The following CRYBG1 variants were observed in gnomAD, a reference collection of about 807,000 sequenced individuals.
CRYBG1 encodes crystallin beta-gamma domain containing 1, also known as beta/gamma crystallin domain-containing protein 1.
Under a neutral mutation model 189.2 loss-of-function variants are expected in CRYBG1, and 139 were observed. That is an observed-to-expected ratio of 0.73 (90% CI 0.64 to 0.85). The LOEUF is 0.85. CRYBG1 is among the 40% of genes least tolerant of loss of function. The probability of loss-of-function intolerance (pLI) is 0.00; values close to 1 mark genes in which losing one functional copy is unlikely to be tolerated. For missense variants in CRYBG1, 2,611 were observed against 2,675.8 expected, an observed-to-expected ratio of 0.98 and a Z score of 0.53; for synonymous variants, 1,023 against 1,017.1, an observed-to-expected ratio of 1.01 and a Z score of -0.11.
intron 1 of CRYBG1, among the ~76,000 whole-genome samples, chr6:106,365,302 C>T (rs2114288784): frequency 6.6e-6 from 1 of 152,082 alleles, no homozygotes; most frequent in Non-Finnish European, 1.5e-5. Flanking sequence ...TGGCGGACGC[C>T]TGTAATCATA....
chr6:106,520,679 T>C lies in CRYBG1; in HGVS notation c.3471T>C (p.Phe1157=), dbSNP rs1337735693. The change falls in exon 4 of 22, where the codon TTT becomes TTC. Residue 1157 remains phenylalanine (F), a synonymous_variant. Transcript: ENST00000633556. ...HLEKVFDPKV[F]TFGLGKKKES... is the part of the protein sequence containing the mutation. ...AAAAGGTGTTTGATCCCAAAGTGTT[T>C]ACCTTTGGTTTGGGGAAGAAGAAGG... 6 of 1,614,074 alleles carry C rather than the reference T, an allele frequency of 3.7e-6. No homozygotes were observed. The highest frequency in any genetic ancestry group is 4.2e-6 in the Non-Finnish European group (5 of 1,180,046).
chr6:106,487,039 C>A (rs542642390), intron 2 of CRYBG1, among the ~76,000 whole-genome samples: 3 of 151,864 alleles, frequency 2.0e-5, no homozygotes, highest in Non-Finnish European at 4.4e-5. Flanking sequence ...TTCTGTAGTA[C>A]CAACCTTTGT....
chr6:106,471,803 TAAA>T (rs36006580), intron 2 of CRYBG1, among the ~76,000 whole-genome samples: 2 of 135,976 alleles, frequency 1.5e-5, no homozygotes, highest in Non-Finnish European at 1.5e-5. Context: ...GCCAGACAGT[TAAA>T]AAAAAAAAAA....
intron 20 of CRYBG1, among the ~76,000 whole-genome samples, chr6:106,562,089 C>T (rs989807399): frequency 2.6e-5 from 4 of 152,050 alleles, no homozygotes; most frequent in Admixed American, 6.6e-5. Flanking sequence ...TGAGCTTGAC[C>T]GTTGGCTCCT....
intron 2 of CRYBG1, among the ~76,000 whole-genome samples, chr6:106,486,689 T>G (rs1281455180): frequency 6.6e-6 from 1 of 152,182 alleles, no homozygotes; most frequent in Non-Finnish European, 1.5e-5. Flanking sequence ...CTTTCCCTCC[T>G]TTCACAGTTT....
intron 1 of CRYBG1, among the ~76,000 whole-genome samples, chr6:106,403,999 T>A (rs948181363): frequency 1.3e-5 from 2 of 152,236 alleles, no homozygotes; most frequent in Non-Finnish European, 2.9e-5. Flanking sequence ...GTATCAAAGT[T>A]AAGTAAACTT....
chr6:106,441,763 T>C (rs979856173), intron 1 of CRYBG1, among the ~76,000 whole-genome samples: 1 of 152,194 alleles, frequency 6.6e-6, no homozygotes, highest in African/African-American at 2.4e-5. Flanking sequence ...TCATTTTGTA[T>C]TAATCACCAG....
chr6:106,473,146 G>A (rs574966172), intron 2 of CRYBG1, among the ~76,000 whole-genome samples: 1 of 152,292 alleles, frequency 6.6e-6, no homozygotes, highest in Non-Finnish European at 1.5e-5. Flanking sequence ...GTGAGGCCAA[G>A]ATGCCCTCTC....
At chr6:106,550,108 C>T (rs557753315) in intron 13 of CRYBG1, among the ~76,000 whole-genome samples, 1 of 152,274 alleles carries the variant, frequency 6.6e-6, no homozygotes, top group East Asian at 1.9e-4. Context: ...TGTGATGCTG[C>T]TTACCCATCT....
At chr6:106,519,000 C>CACACACAG in intron 3 of CRYBG1, 131 bp from the exon 4 acceptor site, 1 of 937,570 alleles carries the variant, frequency 1.1e-6, no homozygotes, top group South Asian at 1.7e-5. Flanking sequence ...CATACACACA[C>CACACACAG]ACACACACCA....
rs747968107 is a variant in CRYBG1 at position 106,568,563 on chromosome 6, C to T, written c.6393C>T (p.Thr2131=). The T allele has an allele frequency of 1.2e-6, 2 of 1,604,428 alleles. No homozygotes were observed. The highest frequency in any genetic ancestry group is 2.2e-5 in the East Asian group (1 of 44,824). The change falls in exon 22 of 22, where the codon ACC becomes ACT. Residue 2131 remains threonine (T), a synonymous_variant. Transcript: ENST00000633556. The stretch of plus-strand genomic sequence containing the variant: ...TGTGGGAAGCCATGGTCCTATATAC[C>T]TGAACAAAGAAGGAAGAAGAATCTT... The part of the protein sequence containing the change: ...TQVWEAMVLY[T]
chr6:106,391,087 A>G (rs751765691), intron 1 of CRYBG1, among the ~76,000 whole-genome samples: 4 of 152,002 alleles, frequency 2.6e-5, no homozygotes, highest in Non-Finnish European at 4.4e-5. Flanking sequence ...CTTTTTTTTG[A>G]GATGGAGTCT....
chr6:106,454,562 C>T lies in CRYBG1; in HGVS notation c.312+2730C>T, dbSNP rs188937199. Among the ~76,000 whole-genome samples, 30 of 152,316 alleles carry T rather than the reference C, an allele frequency of 2.0e-4. No homozygotes were observed. In the East Asian group the frequency reaches 5.8e-3, roughly 29 times the overall value. ...TTTCCTGCAAGATTCAGCAGGTTTG[C>T]GGAGGGAGTTATATCAAGGACCACC... is the stretch of plus-strand genomic sequence containing the variant. On this transcript the variant is annotated intron_variant, in intron 2 of 21. Coordinates refer to ENST00000633556, the MANE Select transcript of CRYBG1 (RefSeq NM_001371242.2).
At chr6:106,436,455 G>C (rs9373862) in intron 1 of CRYBG1, among the ~76,000 whole-genome samples, 1 of 151,894 alleles carries the variant, frequency 6.6e-6, no homozygotes, top group Non-Finnish European at 1.5e-5. Flanking sequence ...CCGCCACCTC[G>C]CCCTACTGTT....
rs937805774 is a variant in CRYBG1, at chr6:106,521,348, C to T, written c.4140C>T (p.Asn1380=). ...ATATTGAAAGTGTTATTAAATCAAACTTGCCAAACTGTGCAAACAGTGACA... is the reference window on the plus strand; with the variant it reads ...ATATTGAAAGTGTTATTAAATCAAATTTGCCAAACTGTGCAAACAGTGACA... ...ANHIESVIKS[N]LPNCANSDTD... is the part of the protein sequence containing the mutation. The change falls in exon 4 of 22, where the codon AAC becomes AAT. Residue 1380 remains asparagine, a synonymous_variant. Transcript: ENST00000633556. 2.5e-6 allele frequency: 4 copies of T among 1,614,182 alleles called. No homozygotes were observed. The highest frequency in any genetic ancestry group is 2.5e-6 in the Non-Finnish European group (3 of 1,180,036).
At chr6:106,528,561 C>T (rs1460706822) in intron 7 of CRYBG1, among the ~76,000 whole-genome samples, 1 of 152,032 alleles carries the variant, frequency 6.6e-6, no homozygotes, top group African/African-American at 2.4e-5. Context: ...GTTCTCAATC[C>T]TTTTTTTCTC....
At chr6:106,410,567 A>G (rs892425973) in intron 1 of CRYBG1, among the ~76,000 whole-genome samples, 11 of 152,240 alleles carry the variant, frequency 7.2e-5, no homozygotes, top group African/African-American at 2.7e-4. Context: ...ATAAAGACAC[A>G]TGCACACATA....
chr6:106,512,802 A>G lies in CRYBG1; in HGVS notation c.1685A>G (p.Glu562Gly). ...GGCACTGCGGCCGAGAGCGGGGAGG[A>G]GGCGGCGCGGGCCATCCCCCGCGAG... is the stretch of plus-strand genomic sequence containing the variant. ...TKGTAAESGE[E>G]AARAIPRELP... Residue 562 changes from glutamate (E) to glycine (G), a missense_variant, in exon 3 of 22, where the codon GAG becomes GGG. Glu to Gly is a moderately conservative substitution (Grantham distance 98). Coordinates refer to ENST00000633556, the MANE Select transcript of CRYBG1 (RefSeq NM_001371242.2). 1 of 1,576,296 alleles carries G rather than the reference A, an allele frequency of 6.3e-7. No individual in the cohort carries two copies. Among genetic ancestry groups the G allele is most frequent in the Non-Finnish European group, 8.6e-7 (1 of 1,160,730 alleles).
At chr6:106,542,283 GTT>G (rs35839968) in intron 10 of CRYBG1, among the ~76,000 whole-genome samples, 21 of 113,092 alleles carry the variant, frequency 1.9e-4, no homozygotes, top group Admixed American at 6.3e-4. Flanking sequence ...ATTATTTAGG[GTT>G]TTTTTTTTTT....
Sources: gnomAD v4.1 joint callset for allele counts (sites outside exome capture counted in the v4.1 genomes callset) on GRCh38, gnomAD v4.1.1 for gene constraint, MANE v1.5 for transcripts, NCBI Gene and HGNC (gene_info 2026-07-23, HGNC 2026-07-21) for gene names.